The following MDC1 variants were observed in gnomAD, a reference collection of about 807,000 sequenced individuals.
MDC1 encodes the protein mediator of DNA damage checkpoint 1, also known as mediator of DNA damage checkpoint protein 1.
In MDC1, 81 loss-of-function variants were observed where a neutral mutation model predicts 142.5. The observed-to-expected ratio is 0.57, with a 90% confidence interval of 0.47 to 0.68. The LOEUF (loss-of-function observed/expected upper bound fraction) is 0.68. Among genes scored for constraint, MDC1 ranks in the 30% least tolerant of loss-of-function variants. The pLI is 0.00. For missense variants in MDC1, 2,119 were observed against 2,547.9 expected (o/e 0.83, Z 3.62); for synonymous variants, 797 against 968.4 (o/e 0.82, Z 3.29).
Position 30,700,121 on chromosome 6 carries a change from A to G in MDC1, c.*344T>C. ...GAGCAATAACTGCAACAGTCTGGCT[A>G]AAGATAGCTGCCACTTATGACATCT... is the stretch of plus-strand genomic sequence containing the variant. On this transcript the variant is annotated 3_prime_UTR_variant, in exon 15 of 15. Coordinates refer to ENST00000376406, the MANE Select transcript of MDC1 (RefSeq NM_014641.3). 7.9e-6 allele frequency: 2 copies of G among 253,742 alleles called. No homozygotes were observed. The highest frequency in any genetic ancestry group is 1.5e-5 in the Non-Finnish European group (2 of 132,170). 15.7% of individuals were successfully genotyped at this position (253,742 alleles called of 1,614,324 possible). A position where few individuals can be genotyped will look rare whatever the true frequency, so the allele number is the denominator to read the frequency against.
chr6:30,710,062 C>T (rs1774584174), intron 7 of MDC1, among the ~76,000 whole-genome samples: 1 of 150,108 alleles, frequency 6.7e-6, no homozygotes, highest in African/African-American at 2.5e-5. Context: ...TATTTTGAGC[C>T]ACTGCACCCA....
intron 12 of MDC1, 81 bp from the exon 13 acceptor site, chr6:30,702,958 C>G: frequency 6.2e-7 from 1 of 1,601,378 alleles, no homozygotes; most frequent in Non-Finnish European, 8.5e-7. Context: ...AGAGAGCTCA[C>G]AAAATGTCTT....
rs760051571 is a variant in MDC1 at position 30,704,596 on chromosome 6, T to G, written c.4587A>C (p.Thr1529=). 3 of 1,605,974 alleles carry G rather than the reference T, an allele frequency of 1.9e-6. No individual in the cohort carries two copies. In the African/African-American group the frequency reaches 4.1e-5, roughly 22 times the overall value. Residue 1529 remains threonine, a synonymous_variant, in exon 10 of 15, where the codon ACA becomes ACC. Transcript: ENST00000376406. The part of the protein sequence containing the change: ...KNRSSVKTPE[T]VVPAAPELQP... ...GGAGCTCAGGGGCTGCGGGCACAACTGTTTCAGGGGTCTTGACAGAGGACC... is the reference window on the plus strand; with the variant it reads ...GGAGCTCAGGGGCTGCGGGCACAACGGTTTCAGGGGTCTTGACAGAGGACC...
In MDC1 at chr6:30,704,457, G is replaced by A; in HGVS notation, c.4726C>T (p.Pro1576Ser). Residue 1576 changes from proline (P) to serine (S), a missense_variant, in exon 10 of 15, where the codon CCT becomes TCT. Transcript: ENST00000376406. ...KTPESIVPIA[P>S]ELQPSTSRNQ... ...CTGGAGGTGGAAGGCTGAAGCTCAG[G>A]GGCTATAGGGACAATTGATTCAGGG... 3 of 1,612,126 alleles carry A rather than the reference G, an allele frequency of 1.9e-6. No homozygotes were observed. Among genetic ancestry groups the A allele is most frequent in the Non-Finnish European group, 2.5e-6 (3 of 1,179,416 alleles).
Position 30,714,038 on chromosome 6 carries a change from G to T in MDC1, c.282C>A (p.Ser94Arg). The T allele has an allele frequency of 1.9e-6, 3 of 1,612,962 alleles. No individual in the cohort carries two copies. Among genetic ancestry groups the T allele is most frequent in the Non-Finnish European group, 2.5e-6 (3 of 1,180,010 alleles). ...DKAPILRDCG[S>R]LNGTQILRPP... ...GTCTCAGGATTTGAGTACCATTAAGGCTCCCACAGTCTCGGAGGATAGGTG... is the reference window on the plus strand; with the variant it reads ...GTCTCAGGATTTGAGTACCATTAAGTCTCCCACAGTCTCGGAGGATAGGTG... The change falls in exon 3 of 15, where the codon AGC becomes AGA. Residue 94 changes from serine to arginine, a missense_variant. Ser to Arg is a moderately radical substitution (Grantham distance 110). Coordinates refer to ENST00000376406, the MANE Select transcript of MDC1 (RefSeq NM_014641.3).
Position 30,703,805 on chromosome 6 carries a change from G to C in MDC1, c.5378C>G (p.Pro1793Arg). ...CGGGGTGAACCTAGATCTACCTGCT[G>C]GTTCCACCTTTTGGATCTGGGAGGC... ...IHASQIQKVEPAGRSRFTPEL... is the reference protein window; with the variant it reads ...IHASQIQKVERAGRSRFTPEL... The change falls in exon 10 of 15, where the codon CCA (proline) becomes CGA (arginine). Residue 1793 changes from proline to arginine, a missense_variant. Physicochemically the swap from Pro to Arg is moderately radical, Grantham distance 103 (BLOSUM62 -2). Transcript: ENST00000376406. This position sits in a 1 kb window ranked among gnomAD's most constrained non-coding sequence, Gnocchi z 4.4. 6.2e-7 allele frequency: 1 copy of C among 1,603,724 alleles called. No homozygotes were observed. Among genetic ancestry groups the C allele is most frequent in the Non-Finnish European group, 8.5e-7 (1 of 1,174,984 alleles).
chr6:30,710,214 G>A (rs1774621796), intron 7 of MDC1, among the ~76,000 whole-genome samples: 1 of 151,888 alleles, frequency 6.6e-6, no homozygotes, highest in Non-Finnish European at 1.5e-5. Context: ...TCAGTCTCCC[G>A]AGTAGCTGGG....
intron 14 of MDC1, among the ~76,000 whole-genome samples, chr6:30,700,902 C>CAAAAAAA (rs9281018): frequency 1.4e-5 from 1 of 70,596 alleles, no homozygotes; most frequent in African/African-American, 6.1e-5. Flanking sequence ...ACTAAAAATA[C>CAAAAAAA]AAAAAAAAAA....
At chr6:30,706,219 G>A (rs1338081032) in intron 9 of MDC1, 121 bp from the exon 10 acceptor site, 4 of 869,356 alleles carry the variant, frequency 4.6e-6, no homozygotes, top group Non-Finnish European at 6.8e-6. Context: ...GGGCGTGGTG[G>A]CTCACGGCTA....
In MDC1 at chr6:30,713,118, T is replaced by C; in HGVS notation, c.824A>G (p.Lys275Arg). ...AACCACCCCATTCCCTGCACCCCTC[T>C]TGACTTTTGTATCATTGTCCCTCTC... is the stretch of plus-strand genomic sequence containing the variant. Reference protein sequence around the residue: ...VKERDNDTKVKRGAGNGVVPA... With the variant: ...VKERDNDTKVRRGAGNGVVPA... The change falls in exon 5 of 15, where the codon AAG becomes AGG. Residue 275 changes from lysine (K) to arginine (R), a missense_variant. Coordinates refer to ENST00000376406, the MANE Select transcript of MDC1 (RefSeq NM_014641.3). This position sits in a 1 kb window ranked among gnomAD's most constrained non-coding sequence, Gnocchi z 4.9. 4 of 1,613,116 alleles carry C rather than the reference T, an allele frequency of 2.5e-6. No individual in the cohort carries two copies. Among genetic ancestry groups the C allele is most frequent in the Non-Finnish European group, 3.4e-6 (4 of 1,179,964 alleles).
Position 30,712,548 on chromosome 6 carries a change from T to C in MDC1, c.1394A>G (p.Glu465Gly). ...TDVEEEELPV[E>G]NREAVLKDHT... The stretch of plus-strand genomic sequence containing the variant: ...ATCCTTGAGGACAGCTTCTCTATTT[T>C]CCACTGGGAGCTCTTCCTCCTCCAC... Residue 465 changes from glutamate (E) to glycine (G), a missense_variant, in exon 5 of 15, where the codon GAA becomes GGA. Physicochemically the swap from Glu to Gly is moderately conservative, Grantham distance 98. Coordinates refer to ENST00000376406, the MANE Select transcript of MDC1 (RefSeq NM_014641.3). The surrounding 1 kb of genome is among the most constrained non-coding windows in gnomAD (Gnocchi z 4.7). The C allele has an allele frequency of 1.2e-6, 2 of 1,613,066 alleles. No homozygotes were observed. Among genetic ancestry groups the C allele is most frequent in the South Asian group, 1.1e-5 (1 of 91,084 alleles).
In MDC1 at chr6:30,704,078, G is replaced by T; in HGVS notation, c.5105C>A (p.Ser1702Tyr). 1 of 1,614,194 alleles carries T rather than the reference G, an allele frequency of 6.2e-7. No homozygotes were observed. The highest frequency in any genetic ancestry group is 8.5e-7 in the Non-Finnish European group (1 of 1,180,034). The part of the protein sequence containing the change: ...MPVPTTPEFQ[S>Y]PVTTDQPISP... Reference sequence around the variant, plus strand: ...AATAGGCTGGTCTGTGGTGACAGGAGATTGGAATTCAGGGGTGGTAGGAAC... The same window carrying T: ...AATAGGCTGGTCTGTGGTGACAGGATATTGGAATTCAGGGGTGGTAGGAAC... The change falls in exon 10 of 15, where the codon TCT becomes TAT. Residue 1702 changes from serine (S) to tyrosine (Y), a missense_variant. By Grantham distance (144) the Ser-to-Tyr change is moderately radical. Transcript: ENST00000376406.
Position 30,699,943 on chromosome 6 carries a change from A to G in MDC1, c.*522T>C, listed in dbSNP as rs1772367046. 1 of 225,824 alleles carries G rather than the reference A, an allele frequency of 4.4e-6. No individual in the cohort carries two copies. The highest frequency in any genetic ancestry group is 2.2e-5 in the African/African-American group (1 of 44,934). 14.0% of individuals were successfully genotyped at this position (225,824 alleles called of 1,614,324 possible). ...TAAAGATGCTTCCAGAGGCCAGGAGAGAAGAAAATGTTTTAGTAGCACTCC... is the reference window on the plus strand; with the variant it reads ...TAAAGATGCTTCCAGAGGCCAGGAGGGAAGAAAATGTTTTAGTAGCACTCC... On this transcript the variant is annotated 3_prime_UTR_variant, in exon 15 of 15. Coordinates refer to ENST00000376406, the MANE Select transcript of MDC1 (RefSeq NM_014641.3).
rs1369371135 is a variant in MDC1 at position 30,709,400 on chromosome 6, A to G, written c.2222-1043T>C. ...TCTTTTTTCTTCATTGACACATAAT[A>G]ATTGTACATATTTATGGGGTACCTG... On this transcript the variant is annotated intron_variant, in intron 7 of 14. Transcript: ENST00000376406. This position sits in a 1 kb window ranked among gnomAD's most constrained non-coding sequence, Gnocchi z 4.2. 6.6e-6 allele frequency among the ~76,000 whole-genome samples: 1 copy of G among 152,178 alleles called. No individual in the cohort carries two copies. Among genetic ancestry groups the G allele is most frequent in the Non-Finnish European group, 1.5e-5 (1 of 68,040 alleles).
intron 14 of MDC1, among the ~76,000 whole-genome samples, chr6:30,701,397 CA>C (rs1554185762): frequency 0.025 from 3,445 of 138,696 alleles, 90 homozygotes; most frequent in East Asian, 0.071. Flanking sequence ...GAGACTCTCT[CA>C]AAAAAAAAAA....
In MDC1 at chr6:30,708,008, C is replaced by T. The variant is rs1774200563; in HGVS notation, c.2571G>A (p.Gln857=). 1 of 1,612,888 alleles carries T rather than the reference C, an allele frequency of 6.2e-7. No individual in the cohort carries two copies. Among genetic ancestry groups the T allele is most frequent in the South Asian group, 1.1e-5 (1 of 91,086 alleles). ...TGEEELTKGK[Q]DREQKQLLAR... is the part of the protein sequence containing the mutation. ...CTAACAACTGTTTTTGTTCTCTGTC[C>T]TGTTTCCCCTTGGTTAATTCTTCCT... Residue 857 remains glutamine (Q), a synonymous_variant, in exon 8 of 15, where the codon CAG becomes CAA. Coordinates refer to ENST00000376406, the MANE Select transcript of MDC1 (RefSeq NM_014641.3).
At chr6:30,702,484 T>G in intron 14 of MDC1, 69 bp downstream of exon 14, 1 of 1,265,398 alleles carries the variant, frequency 7.9e-7, no homozygotes. Flanking sequence ...CCCTCCAATC[T>G]TTGCCATTCC....
At chr6:30,701,252 T>A (rs1263234307) in intron 14 of MDC1, among the ~76,000 whole-genome samples, 1 of 151,562 alleles carries the variant, frequency 6.6e-6, no homozygotes, top group Non-Finnish European at 1.5e-5. Flanking sequence ...AATAAAAAAA[T>A]TAGCTGGGCG....
At position 30,705,908 on chromosome 6, in the gene MDC1, G is replaced by A. The variant is rs1490379276; in HGVS notation, c.3275C>T (p.Ala1092Val). 10 of 1,613,368 alleles carry A rather than the reference G, an allele frequency of 6.2e-6. No individual in the cohort carries two copies. The highest frequency in any genetic ancestry group is 8.5e-6 in the Non-Finnish European group (10 of 1,179,700). ...AGGCTCCAGCTCTGAGGACAAGGGA[G>A]CCTCTGGAGCTTCCTGACTCCCATC... ...RQDGSQEAPE[A>V]PLSSELEPFH... Residue 1092 changes from alanine (A) to valine (V), a missense_variant, in exon 10 of 15, where the codon GCT (alanine) becomes GTT (valine). Coordinates refer to ENST00000376406, the MANE Select transcript of MDC1 (RefSeq NM_014641.3).
Sources: gnomAD v4.1 joint callset for allele counts (sites outside exome capture counted in the v4.1 genomes callset) on GRCh38, gnomAD v4.1.1 for gene constraint, Gnocchi (gnomAD v3.1) non-coding constraint, MANE v1.5 for transcripts, NCBI Gene and HGNC (gene_info 2026-07-23, HGNC 2026-07-21) for gene names.